The following PRKG1 variants were observed in gnomAD, a reference collection of about 807,000 sequenced individuals.
PRKG1 encodes cGMP-dependent protein kinase 1.
PRKG1 carries 35 observed loss-of-function variants against 88.1 expected under a neutral mutation model. The ratio of observed to expected loss-of-function variants is 0.40; its 90% CI spans 0.30 to 0.53. The LOEUF (loss-of-function observed/expected upper bound fraction) is 0.53. Ranked by LOEUF, PRKG1 falls within the 20% of genes least tolerant of loss-of-function variation. PRKG1 has a pLI of 0.59. For synonymous variants in PRKG1, 303 were observed against 292.5 expected (o/e 1.04, Z -0.37); for missense variants, 540 against 839.8 (o/e 0.64, Z 4.41).
At chr10:52,114,216 G>C (rs999233592) in intron 7 of PRKG1, among the ~76,000 whole-genome samples, 1 of 152,070 alleles carries the variant, frequency 6.6e-6, no homozygotes, top group Non-Finnish European at 1.5e-5. Context: ...ATATGTCTAA[G>C]GCTGGGGAGA....
intron 9 of PRKG1, among the ~76,000 whole-genome samples, chr10:52,233,403 C>T (rs1041766151): frequency 5.3e-5 from 8 of 150,796 alleles, no homozygotes; most frequent in African/African-American, 1.5e-4. Flanking sequence ...TCTGAGGTAC[C>T]GGGTTCATCT....
chr10:52,173,629 T>C lies in PRKG1; in HGVS notation c.1076+11666T>C, dbSNP rs76201906. On this transcript the variant is annotated intron_variant, in intron 9 of 17. Coordinates refer to ENST00000373980, the MANE Select transcript of PRKG1 (RefSeq NM_006258.4). ...AGAGACATTTACATGTATCACACCA[T>C]TTTCCTCTAATGCATAAATTGCAAG... Among the ~76,000 whole-genome samples, 784 of 152,286 alleles carry C rather than the reference T, an allele frequency of 5.1e-3. 9 individuals are homozygous for C. The highest frequency in any genetic ancestry group is 0.018 in the African/African-American group (749 of 41,570).
intron 2 of PRKG1, among the ~76,000 whole-genome samples, chr10:51,310,796 C>A (rs3862580): frequency 0.69 from 105,405 of 151,892 alleles, 36,680 homozygotes; most frequent in Middle Eastern, 0.76. Flanking sequence ...CCATTATGGA[C>A]CTTGCCCTCT....
At chr10:51,110,991 C>T (rs1205774519) in intron 1 of PRKG1, among the ~76,000 whole-genome samples, 2 of 152,008 alleles carry the variant, frequency 1.3e-5, no homozygotes, top group African/African-American at 4.8e-5. Context: ...TTTTGTCATC[C>T]CTGTATTGGA....
At chr10:51,108,656 A>G (rs1462051485) in intron 1 of PRKG1, among the ~76,000 whole-genome samples, 1 of 152,212 alleles carries the variant, frequency 6.6e-6, no homozygotes, top group Non-Finnish European at 1.5e-5. Flanking sequence ...CAAAACCCCC[A>G]CAGCTAACAT....
chr10:51,196,187 A>G (rs1837760148), intron 2 of PRKG1, among the ~76,000 whole-genome samples: 1 of 152,208 alleles, frequency 6.6e-6, no homozygotes, highest in Admixed American at 6.5e-5. Flanking sequence ...CCTTTGCAGG[A>G]GGTTAAAACC....
At chr10:51,689,876 G>C (rs578000868) in intron 3 of PRKG1, among the ~76,000 whole-genome samples, 6 of 152,294 alleles carry the variant, frequency 3.9e-5, no homozygotes, top group Admixed American at 1.3e-4. Flanking sequence ...ATTTGTAGAA[G>C]TGAGTAAGGG....
intron 4 of PRKG1, among the ~76,000 whole-genome samples, chr10:51,858,290 TAC>T (rs1840752387): frequency 2.6e-4 from 4 of 15,336 alleles, no homozygotes; most frequent in East Asian, 6.7e-4. Context: ...TGTATAATTA[TAC>T]ATATGTATAA....
At chr10:51,015,105 T>C (rs982228248) in intron 1 of PRKG1, among the ~76,000 whole-genome samples, 4 of 152,224 alleles carry the variant, frequency 2.6e-5, no homozygotes, top group Admixed American at 2.6e-4. Context: ...TGGAATGGCC[T>C]TCTGGCTGAA....
intron 2 of PRKG1, among the ~76,000 whole-genome samples, chr10:51,447,861 G>T (rs1479488818): frequency 6.6e-6 from 1 of 151,998 alleles, no homozygotes; most frequent in Non-Finnish European, 1.5e-5. Context: ...GAATATTCCA[G>T]TGAATGTTCC....
At chr10:51,319,551 T>C (rs185271905) in intron 2 of PRKG1, among the ~76,000 whole-genome samples, 106 of 152,350 alleles carry the variant, frequency 7.0e-4, no homozygotes, top group African/African-American at 2.5e-3. Flanking sequence ...CTCTCAGTTA[T>C]TAGACAATAT....
intron 9 of PRKG1, among the ~76,000 whole-genome samples, chr10:52,215,403 A>G: frequency 6.6e-6 from 1 of 152,140 alleles, no homozygotes. Flanking sequence ...TCAAAAAAAA[A>G]AAAAAAAAGT....
intron 3 of PRKG1, among the ~76,000 whole-genome samples, chr10:51,643,145 T>C (rs946885244): frequency 7.2e-5 from 11 of 152,194 alleles, no homozygotes; most frequent in Non-Finnish European, 1.3e-4. Context: ...AATGGAATGC[T>C]AGTTAATTTT....
intron 7 of PRKG1, among the ~76,000 whole-genome samples, chr10:52,067,904 C>T (rs11000668): frequency 0.15 from 21,495 of 146,388 alleles, 2,815 homozygotes; most frequent in South Asian, 0.24. Context: ...CTTACCATTG[C>T]TTCAAGATCC....
chr10:51,475,014 G>A (rs1054349822), intron 3 of PRKG1, among the ~76,000 whole-genome samples: 1 of 151,916 alleles, frequency 6.6e-6, no homozygotes, highest in South Asian at 2.1e-4. Context: ...AGATGAAAGA[G>A]GTTGTCCCTG....
At chr10:51,254,559 T>C (rs1459110868) in intron 2 of PRKG1, among the ~76,000 whole-genome samples, 11 of 152,008 alleles carry the variant, frequency 7.2e-5, no homozygotes, top group Admixed American at 1.3e-4. Flanking sequence ...ACACCTTACA[T>C]AGCAGCAAAG....
intron 3 of PRKG1, among the ~76,000 whole-genome samples, chr10:51,737,117 T>G (rs1837299696): frequency 6.6e-6 from 1 of 152,200 alleles, no homozygotes. Context: ...CCACCACAAA[T>G]TTGACCACTG....
At chr10:52,251,348 T>C (rs1200784430) in intron 9 of PRKG1, among the ~76,000 whole-genome samples, 1 of 152,188 alleles carries the variant, frequency 6.6e-6, no homozygotes, top group East Asian at 1.9e-4. Flanking sequence ...GTGGGTACTT[T>C]GCATTTTTCT....
chr10:51,727,169 G>T (rs1030383343), intron 3 of PRKG1, among the ~76,000 whole-genome samples: 2 of 151,706 alleles, frequency 1.3e-5, no homozygotes, highest in Non-Finnish European at 2.9e-5. Flanking sequence ...AGCTAGGCAT[G>T]ATGACACACA....
Sources: allele counts gnomAD v4.1 joint callset (sites outside exome capture counted in the v4.1 genomes callset), GRCh38; gene constraint gnomAD v4.1.1; transcripts MANE v1.5; gene names NCBI Gene and HGNC (gene_info 2026-07-23, HGNC 2026-07-21).